GRIK4: variants seen among roughly 807,000 people sequenced by gnomAD.
GRIK4 encodes glutamate receptor ionotropic, kainate 4.
In GRIK4, 40 loss-of-function variants were observed where a neutral mutation model predicts 104.9. That is an observed-to-expected ratio of 0.38 (90% CI 0.30 to 0.50). GRIK4 has a LOEUF of 0.50. Ranked by LOEUF, GRIK4 falls within the 20% of genes least tolerant of loss-of-function variation. The pLI, the probability that GRIK4 is intolerant of heterozygous loss-of-function variation, is 0.93. For synonymous variants in GRIK4, 485 were observed against 524.9 expected (o/e 0.92, Z 1.04); for missense variants, 1,047 against 1,308.1 (o/e 0.80, Z 3.08).
At chr11:120,765,485 C>T (rs777683809) in intron 3 of GRIK4, among the ~76,000 whole-genome samples, 8 of 152,074 alleles carry the variant, frequency 5.3e-5, no homozygotes, top group Middle Eastern at 3.2e-3. Flanking sequence ...ATTCTCCGTC[C>T]GGTTTTGTTC....
intron 15 of GRIK4, among the ~76,000 whole-genome samples, chr11:120,954,274 C>T (rs1398833632): frequency 1.3e-5 from 2 of 152,176 alleles, no homozygotes; most frequent in African/African-American, 4.8e-5. Flanking sequence ...CAAAAAAAGA[C>T]AGGCCTTGCT....
chr11:120,805,034 G>A (rs1323866660), intron 4 of GRIK4, among the ~76,000 whole-genome samples: 1 of 150,880 alleles, frequency 6.6e-6, no homozygotes, highest in African/African-American at 2.5e-5. Flanking sequence ...AGTGTTTAGT[G>A]AGTGCCTATT....
chr11:120,895,702 T>C (rs997324416), intron 11 of GRIK4, among the ~76,000 whole-genome samples: 1 of 152,162 alleles, frequency 6.6e-6, no homozygotes. Flanking sequence ...CGGGGAACCT[T>C]AGGCAAGCCA....
At chr11:120,649,993 G>C (rs1215171411) in intron 1 of GRIK4, among the ~76,000 whole-genome samples, 1 of 152,162 alleles carries the variant, frequency 6.6e-6, no homozygotes, top group Non-Finnish European at 1.5e-5. Flanking sequence ...ATGTCCCCCA[G>C]GGCCCAGCCT....
intron 1 of GRIK4, among the ~76,000 whole-genome samples, chr11:120,610,906 T>A (rs1949029778): frequency 6.6e-6 from 1 of 152,190 alleles, no homozygotes; most frequent in African/African-American, 2.4e-5. Context: ...TCTGACCAGG[T>A]TCTGTATTGG....
At chr11:120,615,013 CAAA>C in intron 1 of GRIK4, among the ~76,000 whole-genome samples, 1 of 151,550 alleles carries the variant, frequency 6.6e-6, no homozygotes, top group South Asian at 2.1e-4. Flanking sequence ...CAAAACAAAA[CAAA>C]AAACAAAACA....
intron 3 of GRIK4, among the ~76,000 whole-genome samples, chr11:120,783,978 C>T (rs1228970475): frequency 1.3e-5 from 2 of 152,160 alleles, no homozygotes; most frequent in East Asian, 3.9e-4. Flanking sequence ...GAGGTCCCAG[C>T]CTCAGGGAGG....
At chr11:120,874,716 GCA>G (rs1287191277) in intron 10 of GRIK4, among the ~76,000 whole-genome samples, 1 of 152,216 alleles carries the variant, frequency 6.6e-6, no homozygotes, top group Non-Finnish European at 1.5e-5. Flanking sequence ...GCCTGCTGCA[GCA>G]CAGTGTCTTG....
Position 120,588,651 on chromosome 11 carries a change from C to T in GRIK4, c.-158-65034C>T, listed in dbSNP as rs144557877. Among the ~76,000 whole-genome samples the T allele has an allele frequency of 9.2e-5, 14 of 152,194 alleles. No individual in the cohort carries two copies. In the East Asian group the frequency reaches 2.3e-3, roughly 25 times the overall value. ...AGGACCACACAGTTGGAATAATGAACGGAAGAGTTTGGCGGCAGGGGATAG... is the reference window on the plus strand; with the variant it reads ...AGGACCACACAGTTGGAATAATGAATGGAAGAGTTTGGCGGCAGGGGATAG... On this transcript the variant is annotated intron_variant, in intron 1 of 20. Coordinates refer to ENST00000527524, the MANE Select transcript of GRIK4 (RefSeq NM_014619.5).
Position 120,905,519 on chromosome 11 carries a change from CCTGAGGGTGGGCTGGGAGGG to C in GRIK4, c.1476+27_1476+46del. 1.8e-6 allele frequency: 2 copies of C among 1,099,330 alleles called. No individual in the cohort carries two copies. The highest frequency in any genetic ancestry group is 2.7e-6 in the Non-Finnish European group (2 of 740,646). The allele number at this position is 1,099,330 out of a possible 1,614,324, so 68.1% of individuals were successfully genotyped here. On this transcript the variant is annotated intron_variant, in intron 13 of 20. Transcript: ENST00000527524. The surrounding 1 kb of genome is among the most constrained non-coding windows in gnomAD (Gnocchi z 5.1). ...GTAAGGAGAGGACAAGTGATCTGGG[CCTGAGGGTGGGCTGGGAGGG>C]ATTGGAAGAGCATGAGGTTGTGCTG...
chr11:120,912,551 C>T lies in GRIK4; in HGVS notation c.1476+7058C>T, dbSNP rs113040893. Among the ~76,000 whole-genome samples, 738 of 152,226 alleles carry T rather than the reference C, an allele frequency of 4.8e-3. 6 individuals carry two copies. Among genetic ancestry groups the T allele is most frequent in the African/African-American group, 0.015 (634 of 41,518 alleles). ...CCAGGCTGAGCAATACGGGGGTCAC[C>T]GGCAAATGCAGTTTCAGGGGGTGGC... is the stretch of plus-strand genomic sequence containing the variant. On this transcript the variant is annotated intron_variant, in intron 13 of 20. Transcript: ENST00000527524.
rs1949790074 is a variant in GRIK4, at chr11:120,660,278, A to G, written c.-41A>G. 4 of 1,467,064 alleles carry G rather than the reference A, an allele frequency of 2.7e-6. No homozygotes were observed. The highest frequency in any genetic ancestry group is 2.8e-5 in the African/African-American group (2 of 72,094). 90.9% of individuals were successfully genotyped at this position (1,467,064 alleles called of 1,614,324 possible). Reference sequence around the variant, plus strand: ...ACCCCCTCTCTCGCAGAGTTATGTCATGCCCAGGCCAGCAGGGGGCTCCAT... The same window carrying G: ...ACCCCCTCTCTCGCAGAGTTATGTCGTGCCCAGGCCAGCAGGGGGCTCCAT... On this transcript the variant is annotated 5_prime_UTR_variant, in exon 3 of 21. An upstream start codon of the reference 5' UTR is lost. Coordinates refer to ENST00000527524, the MANE Select transcript of GRIK4 (RefSeq NM_014619.5).
At chr11:120,620,500 A>G (rs1017557757) in intron 1 of GRIK4, among the ~76,000 whole-genome samples, 12 of 152,090 alleles carry the variant, frequency 7.9e-5, no homozygotes, top group African/African-American at 2.7e-4. Context: ...CTTTATAGCA[A>G]TACGAGCACA....
At chr11:120,896,337 C>G (rs954538195) in intron 11 of GRIK4, among the ~76,000 whole-genome samples, 1 of 152,226 alleles carries the variant, frequency 6.6e-6, no homozygotes, top group Non-Finnish European at 1.5e-5. Context: ...CCTCAGTTTC[C>G]TTATCTGTAA....
intron 3 of GRIK4, 122 bp downstream of exon 3, chr11:120,660,522 G>A: frequency 1.4e-6 from 1 of 701,812 alleles, no homozygotes; most frequent in Non-Finnish European, 2.4e-6. Flanking sequence ...CCCTCCCTGA[G>A]TGTGGCTGGG....
chr11:120,643,170 A>C (rs1173436072), intron 1 of GRIK4, among the ~76,000 whole-genome samples: 1 of 152,248 alleles, frequency 6.6e-6, no homozygotes, highest in African/African-American at 2.4e-5. Flanking sequence ...GGGGAAACTC[A>C]TATAAATAAG....
chr11:120,963,680 CA>C (rs1359371621), intron 18 of GRIK4, among the ~76,000 whole-genome samples: 1 of 152,156 alleles, frequency 6.6e-6, no homozygotes, highest in African/African-American at 2.4e-5. Flanking sequence ...TACCTTAGCT[CA>C]AAACTCTGTA....
intron 1 of GRIK4, among the ~76,000 whole-genome samples, chr11:120,576,872 C>T (rs1948492304): frequency 6.6e-6 from 1 of 152,186 alleles, no homozygotes. Context: ...TGGGTGACCT[C>T]CAGCCTTCTG....
At chr11:120,912,665 A>G (rs1466452412) in intron 13 of GRIK4, among the ~76,000 whole-genome samples, 2 of 152,226 alleles carry the variant, frequency 1.3e-5, no homozygotes, top group Non-Finnish European at 2.9e-5. Context: ...TACTCATTAA[A>G]GTCATGTAGC....
Sources: gnomAD v4.1 joint callset for allele counts (sites outside exome capture counted in the v4.1 genomes callset) on GRCh38, gnomAD v4.1.1 for gene constraint, Gnocchi (gnomAD v3.1) non-coding constraint, MANE v1.5 for transcripts, NCBI Gene and HGNC (gene_info 2026-07-23, HGNC 2026-07-21) for gene names.